The following ZNF469 variants were observed in gnomAD, a reference collection of about 807,000 sequenced individuals.
The protein encoded by ZNF469 is zinc finger protein 469.
A neutral mutation model predicts 1.0 loss-of-function variants in ZNF469; 1 was observed. The ratio of observed to expected loss-of-function variants is 1.00; its 90% CI spans 0.35 to 4.73. The LOEUF is 4.73. Among genes scored for constraint, ZNF469 ranks in the 30% most tolerant of loss-of-function variants. The pLI is 0.16. For synonymous variants in ZNF469, 2,703 were observed against 2,363.4 expected, an observed-to-expected ratio of 1.14 and a Z score of -4.17; for missense variants, 6,100 against 5,356.3, an observed-to-expected ratio of 1.14 and a Z score of -4.33.
At chr16:88,101,252 T>C in the ZNF469 span, among the ~76,000 whole-genome samples, 1 of 152,236 alleles carries the variant, frequency 6.6e-6, no homozygotes, top group Non-Finnish European at 1.5e-5. Context: ...CGGGAACATC[T>C]TTCAGGCAAA....
the ZNF469 span, among the ~76,000 whole-genome samples, chr16:88,337,553 T>A: frequency 6.6e-6 from 1 of 152,256 alleles, no homozygotes. Flanking sequence ...TTATACCTAG[T>A]GGTACAGGGT....
the ZNF469 span, among the ~76,000 whole-genome samples, chr16:88,212,404 T>A: frequency 3.3e-5 from 5 of 152,230 alleles, no homozygotes; most frequent in Admixed American, 6.5e-5. Context: ...CTTTCTTTTT[T>A]ACATCATCTC....
chr16:88,138,589 C>G, the ZNF469 span, among the ~76,000 whole-genome samples: 3 of 152,206 alleles, frequency 2.0e-5, no homozygotes, highest in Non-Finnish European at 4.4e-5. Context: ...ATAAAAGGGA[C>G]ATTTAGAGTC....
At chr16:88,143,469 T>A in the ZNF469 span, among the ~76,000 whole-genome samples, 1 of 151,464 alleles carries the variant, frequency 6.6e-6, no homozygotes, top group East Asian at 2.0e-4. Flanking sequence ...CCCCACTCCT[T>A]CCCCCTAAGA....
chr16:88,396,111 C>T (rs1033062156), intron 1 of ZNF469, among the ~76,000 whole-genome samples: 9 of 152,216 alleles, frequency 5.9e-5, no homozygotes, highest in African/African-American at 9.6e-5. Context: ...GGTCAAGCTG[C>T]GTTTTTCAGG....
At chr16:88,141,814 G>A in the ZNF469 span, among the ~76,000 whole-genome samples, 9 of 152,344 alleles carry the variant, frequency 5.9e-5, no homozygotes, top group East Asian at 1.7e-3. Flanking sequence ...GAACACAGAA[G>A]CCTCTGGAAG....
chr16:88,256,896 T>TCTCTCTCTCTCTC, the ZNF469 span, among the ~76,000 whole-genome samples: 13 of 27,124 alleles, frequency 4.8e-4, no homozygotes, highest in Non-Finnish European at 7.5e-4. Flanking sequence ...TTTTCTTTCC[T>TCTCTCTCTCTCTC]TCTTTCTTTC....
At chr16:88,422,934 GGTGGATGGATGATGATGGATGA>G (rs1226077417) in intron 1 of ZNF469, among the ~76,000 whole-genome samples, 16 of 151,508 alleles carry the variant, frequency 1.1e-4, no homozygotes, top group Admixed American at 9.9e-4. Context: ...GTGATGGATG[GGTGGATGGATGATGATGGATGA>G]GTGGATGGAT....
At chr16:88,231,645 C>T in the ZNF469 span, among the ~76,000 whole-genome samples, 3 of 152,270 alleles carry the variant, frequency 2.0e-5, no homozygotes, top group South Asian at 2.1e-4. The surrounding 1 kb of genome is among the most constrained non-coding windows in gnomAD (Gnocchi z 4.5). Flanking sequence ...AGGCCAGCAG[C>T]GCAGCCTCTT....
chr16:88,259,316 C>G, the ZNF469 span, among the ~76,000 whole-genome samples: 1 of 151,470 alleles, frequency 6.6e-6, no homozygotes, highest in African/African-American at 2.4e-5. This position sits in a 1 kb window ranked among gnomAD's most constrained non-coding sequence, Gnocchi z 4.1. Context: ...GACGCCCCCT[C>G]CTTCCCTCAG....
At chr16:88,224,306 T>C in the ZNF469 span, among the ~76,000 whole-genome samples, 7 of 152,332 alleles carry the variant, frequency 4.6e-5, no homozygotes, top group African/African-American at 1.4e-4. Context: ...GGCAGGGTGT[T>C]AGCCAAGCGG....
At chr16:88,185,496 A>T in the ZNF469 span, among the ~76,000 whole-genome samples, 2 of 149,696 alleles carry the variant, frequency 1.3e-5, no homozygotes, top group Non-Finnish European at 3.0e-5. Context: ...ACATGACTAT[A>T]ATACATGCAC....
chr16:88,381,223 C>T (rs536329383), upstream of ZNF469, among the ~76,000 whole-genome samples: 5 of 145,866 alleles, frequency 3.4e-5, no homozygotes, highest in South Asian at 1.1e-3. Context: ...CACAGACATG[C>T]ACTCACACAC....
chr16:88,351,796 C>T, the ZNF469 span, among the ~76,000 whole-genome samples: 16 of 152,320 alleles, frequency 1.1e-4, no homozygotes, highest in Middle Eastern at 3.4e-3. Flanking sequence ...CACGCTTTGC[C>T]ACCACCCACC....
At chr16:88,126,311 T>C in the ZNF469 span, among the ~76,000 whole-genome samples, 1 of 150,848 alleles carries the variant, frequency 6.6e-6, no homozygotes, top group Non-Finnish European at 1.5e-5. Context: ...TTTCTGTCTT[T>C]ACTGTACTGG....
At chr16:88,129,368 C>T in the ZNF469 span, among the ~76,000 whole-genome samples, 1 of 152,242 alleles carries the variant, frequency 6.6e-6, no homozygotes, top group Admixed American at 6.5e-5. Flanking sequence ...CTCTGTTCTT[C>T]CTTGGAATCT....
At chr16:88,407,087 G>C (rs907056960) in intron 1 of ZNF469, among the ~76,000 whole-genome samples, 6 of 131,700 alleles carry the variant, frequency 4.6e-5, no homozygotes, top group Non-Finnish European at 8.4e-5. Context: ...CGCCGCACCT[G>C]GGCCTTTGCT....
rs1482687680 is a variant in ZNF469, at chr16:88,431,492, A to C, written c.4022A>C (p.Lys1341Thr). ...VANPSSTACP[K>T]PSVLSSKISS... ...AACCCCTCAAGTACCGCCTGCCCCA[A>C]ACCCAGTGTTCTGTCTTCAAAGATC... Residue 1341 changes from lysine (K) to threonine (T), a missense_variant, in exon 3 of 3, where the codon AAA (lysine) becomes ACA (threonine). Coordinates refer to ENST00000565624, the MANE Select transcript of ZNF469 (RefSeq NM_001367624.2). 3 of 1,550,388 alleles carry C rather than the reference A, an allele frequency of 1.9e-6. No individual in the cohort carries two copies. The South Asian group carries it at 3.6e-5, about 18-fold the overall frequency.
At chr16:88,198,387 T>TG in the ZNF469 span, among the ~76,000 whole-genome samples, 3 of 151,912 alleles carry the variant, frequency 2.0e-5, no homozygotes, top group East Asian at 1.9e-4. Flanking sequence ...CCTCCTCCGG[T>TG]GGGGGGCTGG....
Sources: gnomAD v4.1 joint callset for allele counts (sites outside exome capture counted in the v4.1 genomes callset) on GRCh38, gnomAD v4.1.1 for gene constraint, Gnocchi (gnomAD v3.1) non-coding constraint, MANE v1.5 for transcripts, NCBI Gene and HGNC (gene_info 2026-07-23, HGNC 2026-07-21) for gene names.